Variants in MYO5A observed in about 807,000 individuals in gnomAD.
The protein encoded by MYO5A is myosin VA.
In MYO5A, 98 loss-of-function variants were observed where a neutral mutation model predicts 249.7. That is an observed-to-expected ratio of 0.39 (90% CI 0.33 to 0.46). MYO5A has a LOEUF of 0.46. Ranked by LOEUF, MYO5A falls within the 20% of genes least tolerant of loss-of-function variation. MYO5A has a pLI of 0.98. For missense variants in MYO5A, 1,696 were observed against 2,308.8 expected, an observed-to-expected ratio of 0.73 and a Z score of 5.44; for synonymous variants, 778 against 810.6, an observed-to-expected ratio of 0.96 and a Z score of 0.68.
intron 40 of MYO5A, among the ~76,000 whole-genome samples, chr15:52,315,951 T>C (rs933119282): frequency 1.1e-4 from 16 of 151,822 alleles, no homozygotes; most frequent in African/African-American, 3.9e-4. Flanking sequence ...ATTAAGAAAG[T>C]TGGCTGGGCA....
chr15:52,417,274 C>T lies in MYO5A; in HGVS notation c.456-973G>A, dbSNP rs373683221. Among the ~76,000 whole-genome samples the T allele has an allele frequency of 1.2e-4, 19 of 152,260 alleles. No individual in the cohort carries two copies. The East Asian group carries it at 3.7e-3, about 29-fold the overall frequency. Reference sequence around the variant, plus strand: ...AGAATTACTTCAATATCTTACAGTACTGTTGTCAACCACTTCAGGAGATAC... The same window carrying T: ...AGAATTACTTCAATATCTTACAGTATTGTTGTCAACCACTTCAGGAGATAC... On this transcript the variant is annotated intron_variant, in intron 4 of 41. Transcript: ENST00000399233.
At position 52,496,966 on chromosome 15, in the gene MYO5A, GCTT is replaced by G. The variant is rs372761169; in HGVS notation, c.27+31811_27+31813del. On this transcript the variant is annotated intron_variant, in intron 1 of 41. Transcript: ENST00000399233. ...AGAGGGTGTGATCTTAGTTGAAACAGCTTTTTTTTTCAGACAGAGTCATCTTGC... is the reference window on the plus strand; with the variant it reads ...AGAGGGTGTGATCTTAGTTGAAACAGTTTTTTTCAGACAGAGTCATCTTGC... Among the ~76,000 whole-genome samples, 337 of 152,152 alleles carry G rather than the reference GCTT, an allele frequency of 2.2e-3. 3 individuals are homozygous for G. Among genetic ancestry groups the G allele is most frequent in the African/African-American group, 7.9e-3 (330 of 41,516 alleles).
intron 1 of MYO5A, among the ~76,000 whole-genome samples, chr15:52,496,959 T>G (rs56043792): frequency 0.15 from 22,424 of 152,030 alleles, 1,779 homozygotes; most frequent in Middle Eastern, 0.22. Flanking sequence ...TGATCTTAGT[T>G]GAAACAGCTT....
chr15:52,335,731 A>C (rs2039088988), intron 34 of MYO5A, among the ~76,000 whole-genome samples: 2 of 152,074 alleles, frequency 1.3e-5, no homozygotes, highest in South Asian at 4.1e-4. Context: ...TGTTTTTAAA[A>C]ATCTTATTTC....
chr15:52,452,334 TCTGA>T (rs1252488742), intron 1 of MYO5A, among the ~76,000 whole-genome samples: 1 of 152,108 alleles, frequency 6.6e-6, no homozygotes, highest in East Asian at 1.9e-4. Context: ...AAAATTTCCC[TCTGA>T]CTGAGTTTCT....
intron 1 of MYO5A, among the ~76,000 whole-genome samples, chr15:52,446,075 A>G (rs2075883781): frequency 6.6e-6 from 1 of 152,260 alleles, no homozygotes; most frequent in Admixed American, 6.5e-5. Flanking sequence ...TGCATAACTA[A>G]AAGAGAGACA....
chr15:52,372,787 A>G (rs2041196515), intron 20 of MYO5A, among the ~76,000 whole-genome samples: 1 of 152,136 alleles, frequency 6.6e-6, no homozygotes, highest in South Asian at 2.1e-4. Flanking sequence ...AGAACCAGGC[A>G]TCCTGTAAAC....
chr15:52,450,846 T>TTG (rs2076002961), intron 1 of MYO5A, among the ~76,000 whole-genome samples: 1 of 130,084 alleles, frequency 7.7e-6, no homozygotes, highest in Non-Finnish European at 1.6e-5. Context: ...TACTGTGGTT[T>TTG]TTTTTTTTTT....
intron 1 of MYO5A, among the ~76,000 whole-genome samples, chr15:52,517,374 T>C (rs1297895919): frequency 6.6e-6 from 1 of 152,230 alleles, no homozygotes; most frequent in East Asian, 1.9e-4. Context: ...TGACTGAATA[T>C]TATGCTGCCA....
intron 31 of MYO5A, 71 bp from the exon 32 acceptor site, chr15:52,340,465 C>G (rs1046821606): frequency 7.5e-7 from 1 of 1,331,578 alleles, no homozygotes; most frequent in Non-Finnish European, 1.1e-6. Context: ...TGTAAGGCAT[C>G]GTGTTCACTT....
chr15:52,378,588 C>G (rs1438008731), intron 18 of MYO5A, among the ~76,000 whole-genome samples: 1 of 124,556 alleles, frequency 8.0e-6, no homozygotes, highest in Non-Finnish European at 1.7e-5. Flanking sequence ...AAAAGCATTG[C>G]TGAGGAAGTG....
intron 18 of MYO5A, 51 bp from the exon 19 acceptor site, chr15:52,376,609 AT>A (rs2041428908): frequency 6.5e-7 from 1 of 1,529,848 alleles, no homozygotes; most frequent in Non-Finnish European, 9.0e-7. Flanking sequence ...TATAAGTGAA[AT>A]TTAAAAGAAA....
chr15:52,504,196 A>G (rs1017961005), intron 1 of MYO5A, among the ~76,000 whole-genome samples: 1 of 151,962 alleles, frequency 6.6e-6, no homozygotes. Context: ...CTACACACTC[A>G]TCCTTTAATT....
rs1168001481 is a variant in MYO5A, at chr15:52,307,906, A to G, written c.*5790T>C. 1 of 152,208 alleles carries G rather than the reference A, an allele frequency of 6.6e-6. No homozygotes were observed. Among genetic ancestry groups the G allele is most frequent in the Non-Finnish European group, 1.5e-5 (1 of 68,008 alleles). The allele number at this position is 152,208 out of a possible 1,614,324, so 9.4% of individuals were successfully genotyped here. ...AAAAATACATAACCAGGAATCATAA[A>G]TTACAACATATATATCCACATTTAA... On this transcript the variant is annotated 3_prime_UTR_variant, in exon 42 of 42. Transcript: ENST00000399233.
intron 11 of MYO5A, 112 bp from the exon 12 acceptor site, chr15:52,392,182 C>G: frequency 9.6e-7 from 1 of 1,042,924 alleles, no homozygotes; most frequent in South Asian, 1.4e-5. Flanking sequence ...CAACAACAAC[C>G]TCACGGGAGA....
At chr15:52,326,767 G>C (rs375729862) in intron 36 of MYO5A, among the ~76,000 whole-genome samples, 2 of 152,114 alleles carry the variant, frequency 1.3e-5, no homozygotes, top group Non-Finnish European at 2.9e-5. Context: ...TCTTAGATTT[G>C]AAAGAGTCCA....
intron 25 of MYO5A, among the ~76,000 whole-genome samples, chr15:52,357,313 C>T (rs2040281934): frequency 6.6e-6 from 1 of 151,918 alleles, no homozygotes; most frequent in East Asian, 1.9e-4. Context: ...ACCTTTCATT[C>T]TAGAAATGAA....
At chr15:52,433,385 AAAG>A in intron 1 of MYO5A, 100 bp from the exon 2 acceptor site, 1 of 701,256 alleles carries the variant, frequency 1.4e-6, no homozygotes, top group Non-Finnish European at 2.4e-6. Context: ...ATTTATGAAA[AAAG>A]AAATCTTGGC....
Position 52,396,416 on chromosome 15 carries a change from T to C in MYO5A, c.1320-19A>G. On this transcript the variant is annotated intron_variant, in intron 10 of 41. Transcript: ENST00000399233. ...TTCAAATCTGTAACCACAAAAATAA[T>C]ATGAAAAGGGGAGAAAAGGAACAAA... 1 of 1,401,498 alleles carries C rather than the reference T, an allele frequency of 7.1e-7. No individual in the cohort carries two copies. Among genetic ancestry groups the C allele is most frequent in the South Asian group, 1.2e-5 (1 of 84,124 alleles). The allele number at this position is 1,401,498 out of a possible 1,614,324, so 86.8% of individuals were successfully genotyped here.
Sources: gnomAD v4.1 joint callset for allele counts (sites outside exome capture counted in the v4.1 genomes callset) on GRCh38, gnomAD v4.1.1 for gene constraint, MANE v1.5 for transcripts, NCBI Gene and HGNC (gene_info 2026-07-23, HGNC 2026-07-21) for gene names.